Variants in RAI1 observed in about 807,000 individuals in gnomAD.
RAI1 encodes the protein retinoic acid induced 1.
Under a neutral mutation model 123.8 loss-of-function variants are expected in RAI1, and 9 were observed. That is an observed-to-expected ratio of 0.07 (90% CI 0.04 to 0.13). RAI1 has a LOEUF of 0.13. Ranked by LOEUF, RAI1 falls within the 10% of genes least tolerant of loss-of-function variation. The probability of loss-of-function intolerance (pLI) is 1.00; values close to 1 mark genes in which losing one functional copy is unlikely to be tolerated. For synonymous variants in RAI1, 1,231 were observed against 1,127.3 expected (o/e 1.09, Z -1.84); for missense variants, 2,256 against 2,545.8 (o/e 0.89, Z 2.45).
rs116616896 is a variant in RAI1, at chr17:17,734,791, C to T, written c.-17+10632C>T. On this transcript the variant is annotated intron_variant, in intron 2 of 5. Transcript: ENST00000353383. ...ACACAGGGGCACATATCTGTGCTTG[C>T]ATGTTTGTACATCTAAGTGTGTGCG... is the stretch of plus-strand genomic sequence containing the variant. Among the ~76,000 whole-genome samples, 210 of 152,368 alleles carry T rather than the reference C, an allele frequency of 1.4e-3. 1 individual carries two copies. Among genetic ancestry groups the T allele is most frequent in the African/African-American group, 4.9e-3 (204 of 41,584 alleles).
In RAI1 at chr17:17,797,330, G is replaced by A. The variant is rs1433859878; in HGVS notation, c.4382G>A (p.Gly1461Asp). The A allele has an allele frequency of 6.2e-7, 1 of 1,612,190 alleles. No individual in the cohort carries two copies. Among genetic ancestry groups the A allele is most frequent in the Non-Finnish European group, 8.5e-7 (1 of 1,179,784 alleles). ...GCAGGGGCCCATGGACTCTCCAAAGGCCCGCTGGAGAAGCGGCCCTATCTT... is the reference window on the plus strand; with the variant it reads ...GCAGGGGCCCATGGACTCTCCAAAGACCCGCTGGAGAAGCGGCCCTATCTT... The part of the protein sequence containing the change: ...GRAGAHGLSK[G>D]PLEKRPYLGP... Residue 1461 changes from glycine to aspartate, a missense_variant, in exon 3 of 6, where the codon GGC becomes GAC. Physicochemically the swap from Gly to Asp is moderately conservative, Grantham distance 94. Coordinates refer to ENST00000353383, the MANE Select transcript of RAI1 (RefSeq NM_030665.4).
chr17:17,793,655 A>G lies in RAI1; in HGVS notation c.707A>G (p.Tyr236Cys), dbSNP rs780157776. The G allele has an allele frequency of 1.9e-6, 3 of 1,613,086 alleles. No homozygotes were observed. Among genetic ancestry groups the G allele is most frequent in the Non-Finnish European group, 2.5e-6 (3 of 1,179,980 alleles). The change falls in exon 3 of 6, where the codon TAT becomes TGT. Residue 236 changes from tyrosine (Y) to cysteine (C), a missense_variant. Around this residue, in one of 7 missense-constraint regions of RAI1, gnomAD observed 336 missense variants for 349.8 expected, o/e 0.96. Transcript: ENST00000353383. ...GGTGGTGGGCAGGGGGCCCACTCCT[A>G]TAAGAGTTGCACAGCACCGACTGCC... The part of the protein sequence containing the change: ...VQGGGQGAHS[Y>C]KSCTAPTAQP...
chr17:17,736,432 G>A (rs1251810515), intron 2 of RAI1, among the ~76,000 whole-genome samples: 1 of 152,220 alleles, frequency 6.6e-6, no homozygotes, highest in Non-Finnish European at 1.5e-5. Flanking sequence ...ATGGCCGAGA[G>A]GTCCCAAGGA....
intron 2 of RAI1, among the ~76,000 whole-genome samples, chr17:17,764,472 C>CTTTT (rs60189169): frequency 3.0e-5 from 4 of 134,348 alleles, no homozygotes; most frequent in African/African-American, 8.3e-5. Context: ...TTCTTTTCCT[C>CTTTT]TTTTTTTTTT....
chr17:17,741,972 T>C (rs996399772), intron 2 of RAI1, among the ~76,000 whole-genome samples: 2 of 152,242 alleles, frequency 1.3e-5, no homozygotes. Context: ...ACATTTCAGC[T>C]CTTTTGGCTT....
intron 1 of RAI1, among the ~76,000 whole-genome samples, chr17:17,722,422 G>A (rs1915910989): frequency 6.6e-6 from 1 of 152,184 alleles, no homozygotes; most frequent in Non-Finnish European, 1.5e-5. Flanking sequence ...CTAATTACGT[G>A]CCCCCAGGGC....
intron 2 of RAI1, among the ~76,000 whole-genome samples, chr17:17,753,025 G>A (rs1443895487): frequency 6.6e-6 from 1 of 152,244 alleles, no homozygotes; most frequent in Non-Finnish European, 1.5e-5. Context: ...CGGGACTTGG[G>A]AGGAAGGGAG....
chr17:17,702,442 G>A (rs1214685591), intron 1 of RAI1, among the ~76,000 whole-genome samples: 1 of 152,238 alleles, frequency 6.6e-6, no homozygotes, highest in Non-Finnish European at 1.5e-5. Flanking sequence ...GGGAAGGGGG[G>A]ATAAGCAGTG....
intron 2 of RAI1, among the ~76,000 whole-genome samples, chr17:17,760,478 C>T (rs1246103149): frequency 3.3e-5 from 5 of 152,170 alleles, no homozygotes; most frequent in Non-Finnish European, 7.3e-5. Flanking sequence ...TCCTGGATGC[C>T]GAGGGTTTAT....
intron 1 of RAI1, among the ~76,000 whole-genome samples, chr17:17,704,191 A>C (rs1915320953): frequency 6.6e-6 from 1 of 152,214 alleles, no homozygotes; most frequent in Non-Finnish European, 1.5e-5. Flanking sequence ...CTGTCCCTGG[A>C]CACCCAGTGC....
chr17:17,735,034 G>A (rs1035365589), intron 2 of RAI1, among the ~76,000 whole-genome samples: 3 of 149,402 alleles, frequency 2.0e-5, no homozygotes, highest in African/African-American at 7.6e-5. Context: ...AAAGGTTTCA[G>A]TTTCATCCAA....
chr17:17,796,581 C>A lies in RAI1; in HGVS notation c.3633C>A (p.Gly1211=), dbSNP rs774343034. 12 of 1,611,550 alleles carry A rather than the reference C, an allele frequency of 7.4e-6. No homozygotes were observed. The Admixed American group carries it at 1.0e-4, about 13-fold the overall frequency. ...QRARVPKPGA[G]SKLSDRPLHA... ...CAAGGGTCCCCAAACCTGGTGCAGG[C>A]AGCAAGCTCTCTGACCGGCCCCTCC... Residue 1211 remains glycine, a synonymous_variant, in exon 3 of 6, where the codon GGC becomes GGA. Coordinates refer to ENST00000353383, the MANE Select transcript of RAI1 (RefSeq NM_030665.4). This position sits in a 1 kb window ranked among gnomAD's most constrained non-coding sequence, Gnocchi z 5.8.
chr17:17,795,378 C>G lies in RAI1; in HGVS notation c.2430C>G (p.Phe810Leu), dbSNP rs769527707. 1 of 1,593,780 alleles carries G rather than the reference C, an allele frequency of 6.3e-7. No homozygotes were observed. Among genetic ancestry groups the G allele is most frequent in the East Asian group, 2.2e-5 (1 of 44,566 alleles). Residue 810 changes from phenylalanine to leucine, a missense_variant, in exon 3 of 6, where the codon TTC becomes TTG. Physicochemically the swap from Phe to Leu is conservative, Grantham distance 22 (BLOSUM62 0). This residue lies in a region of RAI1 where 566 missense variants were observed against 616.0 expected (regional missense o/e 0.92). Coordinates refer to ENST00000353383, the MANE Select transcript of RAI1 (RefSeq NM_030665.4). This position sits in a 1 kb window ranked among gnomAD's most constrained non-coding sequence, Gnocchi z 5.9. ...AGGTGGCCTCGTTGCCCGGGGACTTCAAGCAGGAGGAGGTGGGTGGGGTGA... is the reference window on the plus strand; with the variant it reads ...AGGTGGCCTCGTTGCCCGGGGACTTGAAGCAGGAGGAGGTGGGTGGGGTGA... The part of the protein sequence containing the change: ...GEKVASLPGD[F>L]KQEEVGGVKE...
chr17:17,729,503 C>T (rs886678797), intron 2 of RAI1, among the ~76,000 whole-genome samples: 53 of 152,204 alleles, frequency 3.5e-4, no homozygotes, highest in African/African-American at 1.3e-3. Flanking sequence ...TGTGGCTTGG[C>T]CACACCCAGA....
At chr17:17,768,490 C>G (rs2031022765) in intron 2 of RAI1, among the ~76,000 whole-genome samples, 1 of 152,188 alleles carries the variant, frequency 6.6e-6, no homozygotes. Context: ...CTGAATGGGC[C>G]TTGGTTCAGA....
intron 1 of RAI1, among the ~76,000 whole-genome samples, chr17:17,718,291 A>C (rs1915772188): frequency 6.6e-6 from 1 of 152,206 alleles, no homozygotes; most frequent in African/African-American, 2.4e-5. Flanking sequence ...TGTTTGGAAC[A>C]TTTGAAAATG....
At chr17:17,741,488 G>T (rs1440128706) in intron 2 of RAI1, among the ~76,000 whole-genome samples, 1 of 152,190 alleles carries the variant, frequency 6.6e-6, no homozygotes, top group Non-Finnish European at 1.5e-5. Flanking sequence ...GAACTCCCTG[G>T]GTGGTTTTGA....
intron 2 of RAI1, chr17:17,779,487 A>T (rs941517357): frequency 6.4e-6 from 1 of 157,270 alleles, no homozygotes; most frequent in African/African-American, 2.4e-5. Context: ...GTTGTCGGGG[A>T]GGGGGATTTA....
At chr17:17,745,832 C>T (rs1047033732) in intron 2 of RAI1, among the ~76,000 whole-genome samples, 2 of 152,148 alleles carry the variant, frequency 1.3e-5, no homozygotes, top group Non-Finnish European at 2.9e-5. Context: ...CAGGCAGGGA[C>T]GGTGGCCAGC....
Sources: gnomAD v4.1 joint callset for allele counts (sites outside exome capture counted in the v4.1 genomes callset) on GRCh38, gnomAD v4.1.1 for gene constraint, gnomAD v4.1.1 regional missense constraint, Gnocchi (gnomAD v3.1) non-coding constraint, MANE v1.5 for transcripts, NCBI Gene and HGNC (gene_info 2026-07-23, HGNC 2026-07-21) for gene names.